The following SLC13A1 variants were observed in gnomAD, a reference collection of about 807,000 sequenced individuals.
SLC13A1 encodes solute carrier family 13 member 1, also known as Na(+)/sulfate cotransporter.
SLC13A1 carries 65 observed loss-of-function variants against 70.0 expected under a neutral mutation model. That is an observed-to-expected ratio of 0.93 (90% CI 0.76 to 1.14). The LOEUF (loss-of-function observed/expected upper bound fraction) is 1.14, where lower values mean the gene tolerates loss of function less well. Among genes scored for constraint, SLC13A1 ranks in the 50% most tolerant of loss-of-function variants. The pLI, the probability that SLC13A1 is intolerant of heterozygous loss-of-function variation, is 0.00. For missense variants in SLC13A1, 726 were observed against 717.8 expected (o/e 1.01, Z -0.13); for synonymous variants, 275 against 250.5 (o/e 1.10, Z -0.92).
At chr7:123,168,962 T>C (rs1795163792) in intron 4 of SLC13A1, among the ~76,000 whole-genome samples, 186 bp downstream of exon 4, 1 of 152,188 alleles carries the variant, frequency 6.6e-6, no homozygotes. Flanking sequence ...AATAGAAATG[T>C]AACAATTTAG....
intron 1 of SLC13A1, among the ~76,000 whole-genome samples, chr7:123,195,639 TTTA>T (rs756011894): frequency 5.5e-4 from 83 of 152,182 alleles, no homozygotes; most frequent in South Asian, 1.2e-3. Context: ...TATCATTTTA[TTTA>T]TTATTATTTC....
intron 8 of SLC13A1, among the ~76,000 whole-genome samples, chr7:123,129,794 G>T (rs977767120): frequency 2.0e-5 from 3 of 151,982 alleles, no homozygotes; most frequent in Admixed American, 6.6e-5. Flanking sequence ...TTGGAATTTT[G>T]CCATGTGCCA....
At chr7:123,134,655 A>C in intron 7 of SLC13A1, 126 bp from the exon 8 acceptor site, 2 of 804,724 alleles carry the variant, frequency 2.5e-6, no homozygotes, top group Non-Finnish European at 1.9e-6. Flanking sequence ...CCTGGAATAT[A>C]CTCATCATTA....
intron 8 of SLC13A1, among the ~76,000 whole-genome samples, chr7:123,130,541 A>G (rs1047135114): frequency 3.9e-5 from 6 of 152,060 alleles, no homozygotes; most frequent in African/African-American, 1.4e-4. Context: ...AGGGAGAAGA[A>G]CAACACACAC....
At position 123,115,153 on chromosome 7, in the gene SLC13A1, GA is replaced by G. The variant is rs1793136087; in HGVS notation, c.*364del. The G allele has an allele frequency of 6.4e-6, 1 of 155,120 alleles. No homozygotes were observed. The allele number at this position is 155,120 out of a possible 1,614,324, so 9.6% of individuals were successfully genotyped here. A position where few individuals can be genotyped will look rare whatever the true frequency, so the allele number is the denominator to read the frequency against. On this transcript the variant is annotated 3_prime_UTR_variant, in exon 15 of 15. Transcript: ENST00000194130. ...ATTTTTAGTTTCATGGGAAATTTCT[GA>G]AATAATAAATTGCATTTAAAATGTT...
At position 123,186,624 on chromosome 7, in the gene SLC13A1, G is replaced by T. The variant is rs539832812; in HGVS notation, c.100-5523C>A. Reference sequence around the variant, plus strand: ...CTACTACCTCCTCAAGAGAACGATGGTAAAACAGCAATAAAAGAAGACCAG... The same window carrying T: ...CTACTACCTCCTCAAGAGAACGATGTTAAAACAGCAATAAAAGAAGACCAG... On this transcript the variant is annotated intron_variant, in intron 1 of 14. Coordinates refer to ENST00000194130, the MANE Select transcript of SLC13A1 (RefSeq NM_022444.4). 255 of 423,456 alleles carry T rather than the reference G, an allele frequency of 6.0e-4. 3 individuals carry two copies. The highest frequency in any genetic ancestry group is 3.7e-3 in the South Asian group (222 of 59,492). 26.2% of individuals were successfully genotyped at this position (423,456 alleles called of 1,614,324 possible).
chr7:123,175,201 C>T lies in SLC13A1; in HGVS notation c.229-3297G>A, dbSNP rs184953168. On this transcript the variant is annotated intron_variant, in intron 2 of 14. Transcript: ENST00000194130. ...TATTAGATGAGAAAAAACAAGTTAA[C>T]AAAAAGTGCAATAAAGTATTATAGA... Among the ~76,000 whole-genome samples, 332 of 152,036 alleles carry T rather than the reference C, an allele frequency of 2.2e-3. 2 individuals are homozygous for T. Among genetic ancestry groups the T allele is most frequent in the African/African-American group, 7.6e-3 (317 of 41,510 alleles).
At chr7:123,183,381 A>G (rs921922558) in intron 1 of SLC13A1, among the ~76,000 whole-genome samples, 1 of 152,178 alleles carries the variant, frequency 6.6e-6, no homozygotes, top group South Asian at 2.1e-4. Context: ...CCATGGCAAC[A>G]GTTCTCCAGG....
At position 123,119,109 on chromosome 7, in the gene SLC13A1, G is replaced by A. The variant is rs1244102775; in HGVS notation, c.1484C>T (p.Thr495Ile). The A allele has an allele frequency of 6.2e-7, 1 of 1,612,588 alleles. No individual in the cohort carries two copies. Among genetic ancestry groups the A allele is most frequent in the Non-Finnish European group, 8.5e-7 (1 of 1,179,114 alleles). ...TGGAGATAATATTGGGAGAAAGAGT[G>A]TAATGGTAGCTGGATTGCTGGCTAC... ...TEVASNPATI[T>I]LFLPILSPLA... The change falls in exon 13 of 15, where the codon ACA becomes ATA. Residue 495 changes from threonine (T) to isoleucine (I), a missense_variant. Thr to Ile is a moderately conservative substitution (Grantham distance 89). Coordinates refer to ENST00000194130, the MANE Select transcript of SLC13A1 (RefSeq NM_022444.4).
intron 2 of SLC13A1, among the ~76,000 whole-genome samples, chr7:123,172,576 G>A (rs112931977): frequency 0.013 from 1,989 of 152,296 alleles, 40 homozygotes; most frequent in African/African-American, 0.044. Flanking sequence ...AGCCGAGATC[G>A]TGCCATTGCA....
At chr7:123,131,307 C>T (rs2116324722) in intron 8 of SLC13A1, among the ~76,000 whole-genome samples, 1 of 152,134 alleles carries the variant, frequency 6.6e-6, no homozygotes, top group Middle Eastern at 3.4e-3. Flanking sequence ...AATGTGCCAC[C>T]TAGAGAGCAA....
chr7:123,135,614 A>G (rs1315430007), intron 7 of SLC13A1, among the ~76,000 whole-genome samples: 1 of 152,170 alleles, frequency 6.6e-6, no homozygotes, highest in Non-Finnish European at 1.5e-5. Flanking sequence ...TCACATAAGT[A>G]ATAAAATATT....
chr7:123,171,869 C>A lies in SLC13A1; in HGVS notation c.264G>T (p.Leu88=). 1.2e-6 allele frequency: 2 copies of A among 1,613,214 alleles called. No homozygotes were observed. The highest frequency in any genetic ancestry group is 1.1e-5 in the South Asian group (1 of 90,952). Residue 88 remains leucine (L), a synonymous_variant, in exon 3 of 15, where the codon CTG becomes CTT. Coordinates refer to ENST00000194130, the MANE Select transcript of SLC13A1 (RefSeq NM_022444.4). ...TTGCTAAACAGATAACTCCAATTAG[C>A]AGTAAGTGAAAATCCTTGAAATAAG... ...ASAYFKDFHL[L]LIGVICLATS... is the part of the protein sequence containing the mutation.
Position 123,199,887 on chromosome 7 carries a change from C to A in SLC13A1, c.60G>T (p.Val20=). ...YRRFLFVVFT[V]LVLLPLPIVL... ...CGATGGGCAGAGGTAGTAAAACCAA[C>A]ACAGTGAAAACCACGAAGAGAAATC... The change falls in exon 1 of 15, where the codon GTG becomes GTT. Residue 20 remains valine (V), a synonymous_variant. Transcript: ENST00000194130. The A allele has an allele frequency of 6.2e-7, 1 of 1,613,084 alleles. No homozygotes were observed. Among genetic ancestry groups the A allele is most frequent in the Non-Finnish European group, 8.5e-7 (1 of 1,179,350 alleles).
intron 10 of SLC13A1, among the ~76,000 whole-genome samples, chr7:123,127,512 G>T (rs1697723314): frequency 6.6e-6 from 1 of 152,132 alleles, no homozygotes; most frequent in South Asian, 2.1e-4. Context: ...TGTTGATCTA[G>T]ATCCTACCAC....
At chr7:123,172,765 A>G (rs1795316100) in intron 2 of SLC13A1, among the ~76,000 whole-genome samples, 1 of 152,094 alleles carries the variant, frequency 6.6e-6, no homozygotes, top group African/African-American at 2.4e-5. Flanking sequence ...CTTAAAGAAT[A>G]CTTTGAAATA....
intron 1 of SLC13A1, 67 bp downstream of exon 1, chr7:123,199,781 A>G: frequency 8.3e-7 from 1 of 1,202,532 alleles, no homozygotes; most frequent in South Asian, 1.3e-5. Flanking sequence ...TAAACAGCAA[A>G]CAGTTTTAAT....
intron 1 of SLC13A1, among the ~76,000 whole-genome samples, chr7:123,197,383 G>A (rs1193107526): frequency 6.6e-6 from 1 of 151,944 alleles, no homozygotes; most frequent in Non-Finnish European, 1.5e-5. Flanking sequence ...ATCTAATATT[G>A]TGTCTTTAGA....
At chr7:123,156,318 T>G (rs1563336249) in intron 6 of SLC13A1, among the ~76,000 whole-genome samples, 1 of 152,164 alleles carries the variant, frequency 6.6e-6, no homozygotes, top group Non-Finnish European at 1.5e-5. Context: ...CTTAGAAAAG[T>G]GGTAACAAAT....
Sources: allele counts gnomAD v4.1 joint callset (sites outside exome capture counted in the v4.1 genomes callset), GRCh38; gene constraint gnomAD v4.1.1; transcripts MANE v1.5; gene names NCBI Gene and HGNC (gene_info 2026-07-23, HGNC 2026-07-21).